The following GRID1 variants were observed in gnomAD, a reference collection of about 807,000 sequenced individuals.
GRID1 encodes glutamate receptor ionotropic, delta-1.
A neutral mutation model predicts 98.0 loss-of-function variants in GRID1; 28 were observed. That is an observed-to-expected ratio of 0.29 (90% confidence interval 0.21 to 0.39). The LOEUF (loss-of-function observed/expected upper bound fraction) is 0.39, where lower values mean the gene tolerates loss of function less well. GRID1 is among the 10% of genes least tolerant of loss of function. GRID1 has a pLI of 1.00. For synonymous variants in GRID1, 553 were observed against 538.5 expected, an observed-to-expected ratio of 1.03 and a Z score of -0.37; for missense variants, 1,111 against 1,340.5, an observed-to-expected ratio of 0.83 and a Z score of 2.67.
intron 8 of GRID1, among the ~76,000 whole-genome samples, chr10:85,831,277 G>A (rs1360227683): frequency 6.6e-6 from 1 of 152,028 alleles, no homozygotes; most frequent in African/African-American, 2.4e-5. Flanking sequence ...ATGGACACTT[G>A]AGTACATGAG....
At chr10:86,139,198 A>C (rs1844976742) in intron 3 of GRID1, among the ~76,000 whole-genome samples, 174 bp from the exon 4 acceptor site, 1 of 152,188 alleles carries the variant, frequency 6.6e-6, no homozygotes, top group Non-Finnish European at 1.5e-5. Flanking sequence ...GCGTAGACCC[A>C]GCAGCGTTCA....
chr10:86,218,639 C>G (rs1471839215), intron 2 of GRID1, among the ~76,000 whole-genome samples: 1 of 152,188 alleles, frequency 6.6e-6, no homozygotes, highest in Admixed American at 6.5e-5. Context: ...CTCACTGTCA[C>G]CTGTTGGCCC....
intron 8 of GRID1, among the ~76,000 whole-genome samples, chr10:85,774,171 C>T (rs1047704438): frequency 4.0e-4 from 61 of 152,302 alleles, no homozygotes; most frequent in Non-Finnish European, 7.1e-4. Context: ...AATAACGCCG[C>T]ATATCTACAA....
chr10:85,870,586 C>T (rs141802147), intron 5 of GRID1, among the ~76,000 whole-genome samples: 13 of 152,304 alleles, frequency 8.5e-5, no homozygotes, highest in South Asian at 4.1e-4. Flanking sequence ...AACTTGCTAG[C>T]CAAAGTGCCG....
chr10:86,042,837 G>A (rs532302383), intron 4 of GRID1, among the ~76,000 whole-genome samples: 18 of 152,254 alleles, frequency 1.2e-4, no homozygotes, highest in Non-Finnish European at 2.2e-4. Flanking sequence ...TGCAATCCTC[G>A]TGCTTTCGGA....
At chr10:86,226,613 ACTCCCACCCCAGCATACC>A (rs1846354383) in intron 2 of GRID1, among the ~76,000 whole-genome samples, 1 of 4,304 alleles carries the variant, frequency 2.3e-4, no homozygotes, top group African/African-American at 8.0e-4. Context: ...GCACACCCTC[ACTCCCACCCCAGCATACC>A]CTCCCACCCC....
intron 4 of GRID1, among the ~76,000 whole-genome samples, chr10:85,946,679 C>CG (rs1842057340): frequency 6.6e-6 from 1 of 152,132 alleles, no homozygotes; most frequent in Non-Finnish European, 1.5e-5. Context: ...CCGGGGATTG[C>CG]GGGGGGAAGA....
chr10:86,114,107 G>A (rs1213368852), intron 4 of GRID1, among the ~76,000 whole-genome samples: 2 of 151,916 alleles, frequency 1.3e-5, no homozygotes. Context: ...AGGAGGGTGG[G>A]GCCTCATTCC....
intron 8 of GRID1, among the ~76,000 whole-genome samples, chr10:85,821,138 A>G (rs933481130): frequency 2.0e-5 from 3 of 152,068 alleles, no homozygotes; most frequent in Non-Finnish European, 2.9e-5. Context: ...TCAAAATCAC[A>G]TTCTAGAAGA....
At chr10:86,086,719 A>C (rs1844063785) in intron 4 of GRID1, among the ~76,000 whole-genome samples, 1 of 152,052 alleles carries the variant, frequency 6.6e-6, no homozygotes. Flanking sequence ...CTTGTGTGCA[A>C]GTGTCTGTGT....
intron 3 of GRID1, among the ~76,000 whole-genome samples, chr10:86,175,590 C>T (rs764045848): frequency 5.9e-5 from 9 of 152,212 alleles, no homozygotes; most frequent in Non-Finnish European, 1.2e-4. Flanking sequence ...CGGACCTTTC[C>T]GCTGTTAACC....
In GRID1 at chr10:85,601,633, C is replaced by T. The variant is rs1331147761; in HGVS notation, c.*640G>A. 1 of 152,392 alleles carries T rather than the reference C, an allele frequency of 6.6e-6. No individual in the cohort carries two copies. The highest frequency in any genetic ancestry group is 2.4e-5 in the African/African-American group (1 of 41,456). 9.4% of individuals were successfully genotyped at this position (152,392 alleles called of 1,614,324 possible). On this transcript the variant is annotated 3_prime_UTR_variant, in exon 16 of 16. Coordinates refer to ENST00000327946, the MANE Select transcript of GRID1 (RefSeq NM_017551.3). ...CATGGGGCAGAGGCACACTGCAACA[C>T]ACACAGCGGTGACTAACTCGTCCCG...
intron 12 of GRID1, among the ~76,000 whole-genome samples, chr10:85,653,980 C>G (rs1840862991): frequency 6.6e-6 from 1 of 152,176 alleles, no homozygotes; most frequent in Admixed American, 6.5e-5. Context: ...ACTAAGAAAA[C>G]AGTTCTCCTT....
At chr10:85,754,268 T>C (rs1842075051) in intron 8 of GRID1, among the ~76,000 whole-genome samples, 1 of 152,156 alleles carries the variant, frequency 6.6e-6, no homozygotes, top group Non-Finnish European at 1.5e-5. Flanking sequence ...AAAGCATCAA[T>C]ATATTCAGTA....
intron 5 of GRID1, among the ~76,000 whole-genome samples, chr10:85,879,460 A>G (rs1840965166): frequency 6.6e-6 from 1 of 152,248 alleles, no homozygotes; most frequent in Non-Finnish European, 1.5e-5. Context: ...ACTCAGGATT[A>G]AGAAACTCAC....
chr10:86,194,512 A>G (rs1845846818), intron 3 of GRID1, among the ~76,000 whole-genome samples: 1 of 152,100 alleles, frequency 6.6e-6, no homozygotes, highest in Non-Finnish European at 1.5e-5. Flanking sequence ...TACTCACCTC[A>G]AGAGAGGAAG....
At chr10:86,270,677 G>C (rs909649822) in intron 2 of GRID1, among the ~76,000 whole-genome samples, 1 of 152,046 alleles carries the variant, frequency 6.6e-6, no homozygotes, top group South Asian at 2.1e-4. Flanking sequence ...GCAATAGAGC[G>C]AGACTCCGTC....
At chr10:85,680,508 G>T (rs763438170) in intron 12 of GRID1, among the ~76,000 whole-genome samples, 1 of 152,186 alleles carries the variant, frequency 6.6e-6, no homozygotes, top group Non-Finnish European at 1.5e-5. Context: ...AAAAGGGAAC[G>T]CGTATACATC....
At chr10:85,621,929 C>A (rs117004024) in intron 13 of GRID1, among the ~76,000 whole-genome samples, 2,715 of 152,232 alleles carry the variant, frequency 0.018, 43 homozygotes, top group Middle Eastern at 0.048. Context: ...TCCATGCTTG[C>A]AATTCAACAT....
Sources: gnomAD v4.1 joint callset for allele counts (sites outside exome capture counted in the v4.1 genomes callset) on GRCh38, gnomAD v4.1.1 for gene constraint, MANE v1.5 for transcripts, NCBI Gene and HGNC (gene_info 2026-07-23, HGNC 2026-07-21) for gene names.